WDTC1: variants seen among roughly 807,000 people sequenced by gnomAD.
WDTC1 encodes WD and tetratricopeptide repeats 1.
WDTC1 carries 12 observed loss-of-function variants against 76.0 expected under a neutral mutation model. That is an observed-to-expected ratio of 0.16 (90% CI 0.10 to 0.26). The LOEUF is 0.26. Ranked by LOEUF, WDTC1 falls within the 10% of genes least tolerant of loss-of-function variation. The pLI is 1.00. For synonymous variants in WDTC1, 326 were observed against 350.8 expected (o/e 0.93, Z 0.79); for missense variants, 511 against 908.8 (o/e 0.56, Z 5.63).
At chr1:27,265,777 C>T (rs1009685856) in intron 3 of WDTC1, among the ~76,000 whole-genome samples, 1 of 152,000 alleles carries the variant, frequency 6.6e-6, no homozygotes, top group Non-Finnish European at 1.5e-5. Context: ...GAAAGCCCAT[C>T]TCTACAAAAA....
intron 6 of WDTC1, 79 bp from the exon 7 acceptor site, chr1:27,292,136 T>A: frequency 7.3e-7 from 1 of 1,376,944 alleles, no homozygotes; most frequent in African/African-American, 1.5e-5. Context: ...TCCTCTTGCA[T>A]AACAAGAACT....
intron 3 of WDTC1, among the ~76,000 whole-genome samples, chr1:27,280,276 T>A (rs1344531757): frequency 6.6e-6 from 1 of 152,174 alleles, no homozygotes; most frequent in Non-Finnish European, 1.5e-5. Context: ...TGAGCTGGAT[T>A]AAAGAAGGAA....
chr1:27,251,033 ATTTTTTTTTTTTTTTTTTTTT>A lies in WDTC1; in HGVS notation c.-99-9906_-99-9886del, dbSNP rs71584875. Among the ~76,000 whole-genome samples, 8 of 28,686 alleles carry A rather than the reference ATTTTTTTTTTTTTTTTTTTTT, an allele frequency of 2.8e-4. No individual in the cohort carries two copies. The South Asian group carries it at 0.015, about 54-fold the overall frequency. 18.8% of individuals were successfully genotyped at this position (28,686 alleles called of 152,430 possible). A position where few individuals can be genotyped will look rare whatever the true frequency, so the allele number is the denominator to read the frequency against. ...TGGCGTGCACCACTACTCCTGGCTA[ATTTTTTTTTTTTTTTTTTTTT>A]TTTTTTTTTTTTTTTTAGTAGAGAC... On this transcript the variant is annotated intron_variant, in intron 1 of 15. Coordinates refer to ENST00000319394, the MANE Select transcript of WDTC1 (RefSeq NM_001276252.2).
rs199672392 is a variant in WDTC1, at chr1:27,276,719, A to AT, written c.133-5510dup. 4.9e-5 allele frequency among the ~76,000 whole-genome samples: 7 copies of AT among 144,150 alleles called. No individual in the cohort carries two copies. The East Asian group carries it at 5.9e-4, about 12-fold the overall frequency. The allele number at this position is 144,150 out of a possible 152,430, so 94.6% of individuals were successfully genotyped here. A position where few individuals can be genotyped will look rare whatever the true frequency, so the allele number is the denominator to read the frequency against. ...AAAAAAAAAAAGAAAAGAAAAAAAA[A>AT]TTTTTTTTTTATTATAGCCCTCCTG... On this transcript the variant is annotated intron_variant, in intron 3 of 15. Transcript: ENST00000319394.
At position 27,260,972 on chromosome 1, in the gene WDTC1, T is replaced by A; in HGVS notation, c.-83T>A. On this transcript the variant is annotated 5_prime_UTR_variant, in exon 2 of 16. Transcript: ENST00000319394. ...TTCCCCCAGGTAATTAAATGTGTAT[T>A]TTGTGGACCTGGGCTTGGCTGGAAT... 6.7e-7 allele frequency: 1 copy of A among 1,484,870 alleles called. No individual in the cohort carries two copies. The highest frequency in any genetic ancestry group is 9.3e-7 in the Non-Finnish European group (1 of 1,075,116). The allele number at this position is 1,484,870 out of a possible 1,614,324, so 92.0% of individuals were successfully genotyped here. A position where few individuals can be genotyped will look rare whatever the true frequency, so the allele number is the denominator to read the frequency against.
intron 7 of WDTC1, 48 bp from the exon 8 acceptor site, chr1:27,293,974 C>T: frequency 1.3e-6 from 2 of 1,576,292 alleles, no homozygotes; most frequent in South Asian, 2.2e-5. Context: ...CTGGTCTAGC[C>T]AGGGGCAGTG....
At chr1:27,292,168 C>G (rs1372143724) in intron 6 of WDTC1, 47 bp from the exon 7 acceptor site, 1 of 1,446,182 alleles carries the variant, frequency 6.9e-7, no homozygotes, top group South Asian at 1.5e-5. Context: ...CTGCCTTCCT[C>G]TCAAGGACCC....
In WDTC1 at chr1:27,301,586, C is replaced by A; in HGVS notation, c.1468+125C>A. On this transcript the variant is annotated intron_variant, in intron 13 of 15. Transcript: ENST00000319394. This position sits in a 1 kb window ranked among gnomAD's most constrained non-coding sequence, Gnocchi z 5.8. Reference sequence around the variant, plus strand: ...TTCAGATGTTGATTCAGAAACCATGCAACTTTGGGGCAGTTACTTGGTGTC... The same window carrying A: ...TTCAGATGTTGATTCAGAAACCATGAAACTTTGGGGCAGTTACTTGGTGTC... 9.0e-7 allele frequency: 1 copy of A among 1,109,836 alleles called. No individual in the cohort carries two copies. The highest frequency in any genetic ancestry group is 1.3e-6 in the Non-Finnish European group (1 of 779,378). The allele number at this position is 1,109,836 out of a possible 1,614,324, so 68.7% of individuals were successfully genotyped here.
intron 7 of WDTC1, 23 bp downstream of exon 7, chr1:27,292,420 T>A (rs750328778): frequency 9.2e-6 from 14 of 1,514,934 alleles, no homozygotes; most frequent in Non-Finnish European, 1.2e-5. Flanking sequence ...CAGCCTCCTG[T>A]CTCCTGTGAG....
chr1:27,235,048 C>T (rs2011465406), intron 1 of WDTC1, 97 bp downstream of exon 1: 1 of 348,874 alleles, frequency 2.9e-6, no homozygotes, highest in South Asian at 1.5e-4. Context: ...GGGCCGGCTC[C>T]AGCCCTGCCG....
intron 4 of WDTC1, among the ~76,000 whole-genome samples, chr1:27,282,955 C>T (rs2013229890): frequency 6.6e-6 from 1 of 151,654 alleles, no homozygotes; most frequent in Non-Finnish European, 1.5e-5. Flanking sequence ...CTGCCTAACA[C>T]AGTGAAACCC....
Position 27,292,323 on chromosome 1 carries a change from C to T in WDTC1, c.588C>T (p.Asp196=). 6.2e-7 allele frequency: 1 copy of T among 1,613,274 alleles called. No homozygotes were observed. Among genetic ancestry groups the T allele is most frequent in the Non-Finnish European group, 8.5e-7 (1 of 1,179,640 alleles). The part of the protein sequence containing the change: ...EAKCLTVNPQ[D]NNCLAVGASG... ...AGTGCCTCACTGTCAACCCCCAGGA[C>T]AACAACTGCCTGGCAGTTGGGGCCA... The change falls in exon 7 of 16, where the codon GAC becomes GAT. Residue 196 remains aspartate (D), a synonymous_variant. Coordinates refer to ENST00000319394, the MANE Select transcript of WDTC1 (RefSeq NM_001276252.2).
At chr1:27,255,143 T>G (rs1331994137) in intron 1 of WDTC1, among the ~76,000 whole-genome samples, 1 of 152,148 alleles carries the variant, frequency 6.6e-6, no homozygotes, top group South Asian at 2.1e-4. Flanking sequence ...ATGTGTTTCA[T>G]CTCATTATTC....
intron 1 of WDTC1, among the ~76,000 whole-genome samples, chr1:27,245,362 C>T (rs946400887): frequency 6.6e-6 from 1 of 151,652 alleles, no homozygotes; most frequent in Admixed American, 6.6e-5. Context: ...GCTTACATCA[C>T]TCCTGGAAGA....
intron 1 of WDTC1, among the ~76,000 whole-genome samples, chr1:27,246,786 T>A (rs1016524340): frequency 2.0e-5 from 3 of 151,550 alleles, no homozygotes; most frequent in East Asian, 3.9e-4. Context: ...GGTCTTGAAC[T>A]CCTGACCTCA....
Position 27,306,041 on chromosome 1 carries a change from C to T in WDTC1, c.1837-145C>T. 1 of 911,298 alleles carries T rather than the reference C, an allele frequency of 1.1e-6. No individual in the cohort carries two copies. Among genetic ancestry groups the T allele is most frequent in the South Asian group, 1.6e-5 (1 of 62,158 alleles). The allele number at this position is 911,298 out of a possible 1,614,324, so 56.5% of individuals were successfully genotyped here. A position where few individuals can be genotyped will look rare whatever the true frequency, so the allele number is the denominator to read the frequency against. On this transcript the variant is annotated intron_variant, in intron 15 of 15. Transcript: ENST00000319394. The surrounding 1 kb of genome is among the most constrained non-coding windows in gnomAD (Gnocchi z 5.0). ...TGTAGCCAAGGTTGTGTGTTCCCCTCCACCATATACACCTCCTGGCATGTA... is the reference window on the plus strand; with the variant it reads ...TGTAGCCAAGGTTGTGTGTTCCCCTTCACCATATACACCTCCTGGCATGTA...
At chr1:27,254,835 C>T (rs1487872142) in intron 1 of WDTC1, among the ~76,000 whole-genome samples, 1 of 152,092 alleles carries the variant, frequency 6.6e-6, no homozygotes, top group East Asian at 1.9e-4. Flanking sequence ...GTGGTTTCAC[C>T]ATGTTGGCCT....
intron 6 of WDTC1, among the ~76,000 whole-genome samples, chr1:27,288,728 GAA>G (rs2013418115): frequency 6.6e-6 from 1 of 151,518 alleles, no homozygotes; most frequent in Admixed American, 6.6e-5. Flanking sequence ...AGAACAAAAT[GAA>G]AAGTCTCCCA....
chr1:27,268,653 G>GTGA lies in WDTC1; in HGVS notation c.132+5420_132+5422dup, dbSNP rs2012754234. On this transcript the variant is annotated intron_variant, in intron 3 of 15. Coordinates refer to ENST00000319394, the MANE Select transcript of WDTC1 (RefSeq NM_001276252.2). ...AGGCTGGTCTCGATCTCCTGACCTC[G>GTGA]TGATTCACCCACCTCGGCCTCCCAA... is the stretch of plus-strand genomic sequence containing the variant. Among the ~76,000 whole-genome samples the GTGA allele has an allele frequency of 1.3e-5, 2 of 151,318 alleles. 1 individual carries two copies. The highest frequency in any genetic ancestry group is 1.3e-4 in the Admixed American group (2 of 15,160).
Sources: allele counts gnomAD v4.1 joint callset (sites outside exome capture counted in the v4.1 genomes callset), GRCh38; gene constraint gnomAD v4.1.1; non-coding constraint Gnocchi (gnomAD v3.1); transcripts MANE v1.5; gene names NCBI Gene and HGNC (gene_info 2026-07-23, HGNC 2026-07-21).